Variants in CCDC6 observed in about 807,000 individuals in gnomAD.
CCDC6 encodes the protein coiled-coil domain-containing protein 6.
A neutral mutation model predicts 56.6 loss-of-function variants in CCDC6; 20 were observed. That is an observed-to-expected ratio of 0.35 (90% CI 0.25 to 0.51). CCDC6 has a LOEUF of 0.51. CCDC6 is among the 20% of genes least tolerant of loss of function. The pLI, the probability that CCDC6 is intolerant of heterozygous loss-of-function variation, is 0.95. For synonymous variants in CCDC6, 241 were observed against 234.4 expected, an observed-to-expected ratio of 1.03 and a Z score of -0.26; for missense variants, 367 against 601.1, an observed-to-expected ratio of 0.61 and a Z score of 4.07.
chr10:59,810,687 T>C (rs1444692113), intron 5 of CCDC6, among the ~76,000 whole-genome samples: 1 of 152,126 alleles, frequency 6.6e-6, no homozygotes, highest in Non-Finnish European at 1.5e-5. Context: ...TACTTATATA[T>C]ATATTTTTTT....
intron 1 of CCDC6, among the ~76,000 whole-genome samples, chr10:59,876,068 G>GTTTT (rs1564754305): frequency 1.2e-4 from 1 of 8,524 alleles, no homozygotes; most frequent in African/African-American, 5.4e-4. Flanking sequence ...TGCATGCACA[G>GTTTT]ATGTCTTTTT....
intron 1 of CCDC6, among the ~76,000 whole-genome samples, chr10:59,866,623 G>A (rs2071179737): frequency 6.6e-6 from 1 of 152,042 alleles, no homozygotes; most frequent in African/African-American, 2.4e-5. Context: ...TCGGCCTCAC[G>A]TCGTATATAG....
At chr10:59,810,104 G>C (rs757090522) in intron 5 of CCDC6, among the ~76,000 whole-genome samples, 1 of 152,170 alleles carries the variant, frequency 6.6e-6, no homozygotes, top group Non-Finnish European at 1.5e-5. Context: ...CGATGCCAAC[G>C]TTCAAACATT....
intron 6 of CCDC6, among the ~76,000 whole-genome samples, chr10:59,806,277 G>C (rs1447635196): frequency 6.6e-6 from 1 of 152,224 alleles, no homozygotes; most frequent in Non-Finnish European, 1.5e-5. Flanking sequence ...GAAGAGAACT[G>C]GATGAGGCAC....
At chr10:59,853,946 A>G (rs2071059974) in intron 1 of CCDC6, among the ~76,000 whole-genome samples, 1 of 152,190 alleles carries the variant, frequency 6.6e-6, no homozygotes, top group Non-Finnish European at 1.5e-5. Context: ...AAGGAAATTA[A>G]TCTTTTGGGA....
Position 59,812,623 on chromosome 10 carries a change from G to C in CCDC6, c.847+12C>G, listed in dbSNP as rs780048431. 1 of 1,592,514 alleles carries C rather than the reference G, an allele frequency of 6.3e-7. No individual in the cohort carries two copies. Among genetic ancestry groups the C allele is most frequent in the South Asian group, 1.1e-5 (1 of 87,546 alleles). ...TACAGGCATGAAACTAGTGAAACCA[G>C]AGGCTACGTACGCTGTAACTGAGCA... On this transcript the variant is annotated intron_variant, in intron 5 of 8. Transcript: ENST00000263102.
Position 59,790,480 on chromosome 10 carries a change from C to T in CCDC6, c.*2437G>A, listed in dbSNP as rs1278754389. ...GCTCAGAATCTAAATCTTACTGATC[C>T]CTAGTAGTAAGACAATTGCCAAGAA... On this transcript the variant is annotated 3_prime_UTR_variant, in exon 9 of 9. Transcript: ENST00000263102. 9 of 218,536 alleles carry T rather than the reference C, an allele frequency of 4.1e-5. No individual in the cohort carries two copies. The highest frequency in any genetic ancestry group is 1.4e-4 in the African/African-American group (6 of 44,426). The allele number at this position is 218,536 out of a possible 1,614,324, so 13.5% of individuals were successfully genotyped here. A position where few individuals can be genotyped will look rare whatever the true frequency, so the allele number is the denominator to read the frequency against.
chr10:59,846,925 C>A (rs986329625), intron 2 of CCDC6, among the ~76,000 whole-genome samples: 1 of 152,196 alleles, frequency 6.6e-6, no homozygotes, highest in Non-Finnish European at 1.5e-5. Flanking sequence ...GATGCTTTGG[C>A]CCTGCATAAA....
At chr10:59,848,783 G>A (rs1382408362) in intron 2 of CCDC6, among the ~76,000 whole-genome samples, 3 of 152,124 alleles carry the variant, frequency 2.0e-5, no homozygotes, top group Non-Finnish European at 4.4e-5. Context: ...GCGTGATCTC[G>A]GCTCACTGCA....
At chr10:59,865,903 A>G (rs1415594149) in intron 1 of CCDC6, among the ~76,000 whole-genome samples, 1 of 151,108 alleles carries the variant, frequency 6.6e-6, no homozygotes, top group Non-Finnish European at 1.5e-5. Context: ...AATACTGGCC[A>G]TGCATCATTC....
At chr10:59,808,284 G>A (rs749781112) in intron 5 of CCDC6, among the ~76,000 whole-genome samples, 3 of 152,006 alleles carry the variant, frequency 2.0e-5, no homozygotes, top group Non-Finnish European at 2.9e-5. Context: ...GGGGATCCAG[G>A]GTCTGCTTCA....
At chr10:59,883,339 C>T (rs752157405) in intron 1 of CCDC6, among the ~76,000 whole-genome samples, 1 of 152,096 alleles carries the variant, frequency 6.6e-6, no homozygotes, top group Non-Finnish European at 1.5e-5. Context: ...TTATGACCTC[C>T]AAGTGAAATG....
At chr10:59,873,307 C>T (rs1413495849) in intron 1 of CCDC6, among the ~76,000 whole-genome samples, 2 of 152,050 alleles carry the variant, frequency 1.3e-5, no homozygotes, top group African/African-American at 2.4e-5. Context: ...CAATCCAATA[C>T]GACTGCTGTC....
At chr10:59,903,106 C>G (rs946513440) in intron 1 of CCDC6, among the ~76,000 whole-genome samples, 1 of 151,988 alleles carries the variant, frequency 6.6e-6, no homozygotes, top group Non-Finnish European at 1.5e-5. Context: ...CTGGAAAAGG[C>G]AAAACTAAGG....
At chr10:59,871,954 A>T (rs1016086299) in intron 1 of CCDC6, among the ~76,000 whole-genome samples, 4 of 152,244 alleles carry the variant, frequency 2.6e-5, no homozygotes, top group Non-Finnish European at 4.4e-5. Context: ...GGAAGAAGGG[A>T]AATGGATTAC....
At chr10:59,877,263 T>G (rs2071292259) in intron 1 of CCDC6, among the ~76,000 whole-genome samples, 1 of 152,122 alleles carries the variant, frequency 6.6e-6, no homozygotes, top group African/African-American at 2.4e-5. Flanking sequence ...GATAACGTAT[T>G]TAATAAAGCA....
Position 59,906,176 on chromosome 10 carries a change from C to T in CCDC6, c.249G>A (p.Lys83=). The change falls in exon 1 of 9, where the codon AAG becomes AAA. Residue 83 remains lysine, a synonymous_variant. Transcript: ENST00000263102. ...GGTTCTCCTCCTGCAGTGCCTTGCA[C>T]TTCAGTTTGTAGGTCTCCAGCTCTA... ...LKIELETYKL[K]CKALQEENRD... The T allele has an allele frequency of 1.2e-6, 2 of 1,611,856 alleles. No homozygotes were observed. Among genetic ancestry groups the T allele is most frequent in the Non-Finnish European group, 1.7e-6 (2 of 1,179,178 alleles).
intron 1 of CCDC6, among the ~76,000 whole-genome samples, chr10:59,862,045 C>T (rs545608145): frequency 2.0e-4 from 31 of 152,078 alleles, no homozygotes; most frequent in African/African-American, 7.2e-4. Context: ...TAGAGAAAAT[C>T]GAAGACAAAA....
Position 59,789,374 on chromosome 10 carries a change from A to G in CCDC6, c.*3543T>C, listed in dbSNP as rs957043526. On this transcript the variant is annotated 3_prime_UTR_variant, in exon 9 of 9. Transcript: ENST00000263102. ...GCTTGGCAGTTAATCAGAACTGCTGAGCATTCCAGAAAATGCCCCCCACGA... is the reference window on the plus strand; with the variant it reads ...GCTTGGCAGTTAATCAGAACTGCTGGGCATTCCAGAAAATGCCCCCCACGA... The G allele has an allele frequency of 4.3e-6, 1 of 230,404 alleles. No homozygotes were observed. The highest frequency in any genetic ancestry group is 2.2e-5 in the African/African-American group (1 of 45,174). The allele number at this position is 230,404 out of a possible 1,614,324, so 14.3% of individuals were successfully genotyped here. A position where few individuals can be genotyped will look rare whatever the true frequency, so the allele number is the denominator to read the frequency against.
Sources: allele counts gnomAD v4.1 joint callset (sites outside exome capture counted in the v4.1 genomes callset), GRCh38; gene constraint gnomAD v4.1.1; transcripts MANE v1.5; gene names NCBI Gene and HGNC (gene_info 2026-07-23, HGNC 2026-07-21).